The following NRG1 variants were observed in gnomAD, a reference collection of about 807,000 sequenced individuals.
The protein encoded by NRG1 is pro-neuregulin-1, membrane-bound isoform.
NRG1 carries 18 observed loss-of-function variants against 63.8 expected under a neutral mutation model. The ratio of observed to expected loss-of-function variants is 0.28; its 90% CI spans 0.19 to 0.42. NRG1 has a LOEUF of 0.42. Ranked by LOEUF, NRG1 falls within the 10% of genes least tolerant of loss-of-function variation. NRG1 has a pLI of 1.00. For synonymous variants in NRG1, 302 were observed against 301.3 expected (o/e 1.00, Z -0.02); for missense variants, 762 against 814.7 (o/e 0.94, Z 0.79).
Position 31,734,172 on chromosome 8 carries a change from A to T in NRG1, c.37+94741A>T, listed in dbSNP as rs182598193. On this transcript the variant is annotated intron_variant, in intron 1 of 10. Transcript: ENST00000519301. ...CAAGACCCCATGTCTACAAAAAATT[A>T]AAAAAAAGCCAGGCATGGTGGCGCG... 2.3e-3 allele frequency among the ~76,000 whole-genome samples: 345 copies of T among 152,028 alleles called. 4 individuals carry two copies. The highest frequency in any genetic ancestry group is 1.5e-3 in the Admixed American group (23 of 15,244).
chr8:31,749,851 A>G (rs939497158), intron 1 of NRG1, among the ~76,000 whole-genome samples: 34 of 150,342 alleles, frequency 2.3e-4, no homozygotes, highest in Admixed American at 1.3e-4. Flanking sequence ...TGCAAGCAAT[A>G]TTTTAAAATC....
chr8:32,388,050 C>T (rs71512621), intron 1 of NRG1, among the ~76,000 whole-genome samples: 8,644 of 152,218 alleles, frequency 0.057, 330 homozygotes, highest in Middle Eastern at 0.092. Context: ...CCAGGTTCAG[C>T]GTAGTCAATG....
At chr8:32,129,580 C>T (rs1001368529) in intron 1 of NRG1, among the ~76,000 whole-genome samples, 30 of 152,004 alleles carry the variant, frequency 2.0e-4, no homozygotes, top group South Asian at 6.2e-4. Flanking sequence ...TTCCAAATAA[C>T]GCTACATTCA....
intron 1 of NRG1, among the ~76,000 whole-genome samples, chr8:32,493,676 A>G (rs1380766613): frequency 6.6e-6 from 1 of 152,198 alleles, no homozygotes; most frequent in Non-Finnish European, 1.5e-5. Context: ...ACAAAATTAA[A>G]TCCATTGCCA....
At chr8:32,359,138 A>T (rs1193887646) in intron 1 of NRG1, among the ~76,000 whole-genome samples, 1 of 152,110 alleles carries the variant, frequency 6.6e-6, no homozygotes, top group African/African-American at 2.4e-5. Context: ...AGCCCCTAAC[A>T]TTCTCAGTTT....
At chr8:31,934,727 G>A (rs1377673630) in intron 1 of NRG1, among the ~76,000 whole-genome samples, 1 of 151,710 alleles carries the variant, frequency 6.6e-6, no homozygotes, top group African/African-American at 2.4e-5. Flanking sequence ...TGTGTTTCAG[G>A]GTCTCAACTC....
chr8:32,042,145 A>G (rs1820161046), intron 1 of NRG1, among the ~76,000 whole-genome samples: 1 of 152,170 alleles, frequency 6.6e-6, no homozygotes, highest in African/African-American at 2.4e-5. Flanking sequence ...TCTCGAATGA[A>G]TTAAAACAAG....
At chr8:31,917,587 C>T (rs1275290999) in intron 1 of NRG1, among the ~76,000 whole-genome samples, 1 of 152,068 alleles carries the variant, frequency 6.6e-6, no homozygotes, top group African/African-American at 2.4e-5. Flanking sequence ...GTACCAGTAC[C>T]ATGCTGTTTT....
intron 1 of NRG1, among the ~76,000 whole-genome samples, chr8:32,472,670 C>T (rs1563511431): frequency 6.6e-6 from 1 of 152,178 alleles, no homozygotes; most frequent in African/African-American, 2.4e-5. Context: ...TACATTTCCT[C>T]ACATTTAGGG....
At chr8:32,185,952 A>G (rs1310680011) in intron 1 of NRG1, among the ~76,000 whole-genome samples, 1 of 152,156 alleles carries the variant, frequency 6.6e-6, no homozygotes, top group East Asian at 1.9e-4. Context: ...CTTCAGACAG[A>G]TTTTCAAAAT....
chr8:32,713,755 A>ATAT (rs1818433202), intron 5 of NRG1, among the ~76,000 whole-genome samples: 1 of 121,428 alleles, frequency 8.2e-6, no homozygotes, highest in East Asian at 1.9e-4. Context: ...TTATAAATAT[A>ATAT]TTATATATTT....
chr8:32,041,651 C>A (rs1225018758), intron 1 of NRG1, among the ~76,000 whole-genome samples: 1 of 152,140 alleles, frequency 6.6e-6, no homozygotes, highest in East Asian at 1.9e-4. Flanking sequence ...AAGTAGGTCC[C>A]AAGATAAGGA....
At position 32,622,811 on chromosome 8, in the gene NRG1, T is replaced by A. The variant is rs576488480; in HGVS notation, c.502+5926T>A. Among the ~76,000 whole-genome samples, 258 of 152,352 alleles carry A rather than the reference T, an allele frequency of 1.7e-3. 1 individual carries two copies. The highest frequency in any genetic ancestry group is 5.9e-3 in the African/African-American group (247 of 41,596). The stretch of plus-strand genomic sequence containing the variant: ...CACAACTTTGCTTTAAGATGGTCCC[T>A]TCATGTATGGAAGAGAGCTAGTGTG... On this transcript the variant is annotated intron_variant, in intron 5 of 11. Coordinates refer to ENST00000356819, the Ensembl canonical transcript of NRG1.
At chr8:32,328,445 G>A (rs925202453) in intron 1 of NRG1, among the ~76,000 whole-genome samples, 1 of 141,772 alleles carries the variant, frequency 7.1e-6, no homozygotes, top group African/African-American at 2.6e-5. Flanking sequence ...TTTTTTTTCT[G>A]GGAAAATAGA....
At chr8:31,988,132 C>A (rs1045357990) in intron 1 of NRG1, among the ~76,000 whole-genome samples, 1 of 152,118 alleles carries the variant, frequency 6.6e-6, no homozygotes, top group Admixed American at 6.6e-5. Context: ...GATTTCCTTA[C>A]TAAACACTAG....
chr8:32,339,352 T>A (rs940102808), intron 1 of NRG1, among the ~76,000 whole-genome samples: 1 of 152,214 alleles, frequency 6.6e-6, no homozygotes, highest in African/African-American at 2.4e-5. Flanking sequence ...ACTTTGTCTC[T>A]TAGATATCTT....
intron 1 of NRG1, among the ~76,000 whole-genome samples, chr8:32,149,740 C>T (rs962209631): frequency 2.6e-5 from 4 of 152,040 alleles, no homozygotes; most frequent in Non-Finnish European, 4.4e-5. Context: ...TATCTCTGCC[C>T]AGAAATAAAT....
At chr8:31,916,487 G>A (rs867009833) in intron 1 of NRG1, among the ~76,000 whole-genome samples, 11 of 152,136 alleles carry the variant, frequency 7.2e-5, no homozygotes, top group South Asian at 6.2e-4. Context: ...AGTTTACTGA[G>A]AATGATGATT....
At chr8:32,505,799 A>T (rs534895168) in intron 1 of NRG1, among the ~76,000 whole-genome samples, 1 of 152,360 alleles carries the variant, frequency 6.6e-6, no homozygotes, top group South Asian at 2.1e-4. Context: ...GAAGGACAAC[A>T]AGTGCCTTGT....
Sources: gnomAD v4.1 joint callset for allele counts (sites outside exome capture counted in the v4.1 genomes callset) on GRCh38, gnomAD v4.1.1 for gene constraint, MANE v1.5 for transcripts, NCBI Gene and HGNC (gene_info 2026-07-23, HGNC 2026-07-21) for gene names.